The following EPHA5 variants were observed in gnomAD, a reference collection of about 807,000 sequenced individuals.
The protein encoded by EPHA5 is EPH receptor A5.
EPHA5 carries 60 observed loss-of-function variants against 105.0 expected under a neutral mutation model. That is an observed-to-expected ratio of 0.57 (90% CI 0.46 to 0.71). The LOEUF (loss-of-function observed/expected upper bound fraction) is 0.71, where lower values mean the gene tolerates loss of function less well. Among genes scored for constraint, EPHA5 ranks in the 30% least tolerant of loss-of-function variants. The pLI is 0.00. For synonymous variants in EPHA5, 513 were observed against 449.1 expected (o/e 1.14, Z -1.80); for missense variants, 1,218 against 1,274.7 (o/e 0.96, Z 0.68).
chr4:65,647,328 C>CA (rs55995799), intron 1 of EPHA5, among the ~76,000 whole-genome samples: 1,484 of 70,582 alleles, frequency 0.021, 28 homozygotes, highest in African/African-American at 0.035. Context: ...GACTCTGTCT[C>CA]AAAAAAAAAA....
chr4:65,563,827 T>G (rs1217274305), intron 3 of EPHA5, among the ~76,000 whole-genome samples: 1 of 152,038 alleles, frequency 6.6e-6, no homozygotes, highest in African/African-American at 2.4e-5. Context: ...AAGAGATTTT[T>G]ATATGCAAAG....
chr4:65,526,928 A>G (rs1371911393), intron 3 of EPHA5, among the ~76,000 whole-genome samples: 1 of 152,068 alleles, frequency 6.6e-6, no homozygotes, highest in Admixed American at 6.6e-5. Flanking sequence ...AGAAAATAAA[A>G]AAATCTAATG....
chr4:65,557,882 T>TC (rs1175108358), intron 3 of EPHA5, among the ~76,000 whole-genome samples: 9 of 151,754 alleles, frequency 5.9e-5, no homozygotes, highest in Admixed American at 4.6e-4. Flanking sequence ...AAGGTAAAAT[T>TC]CTTTTTTTTT....
At chr4:65,596,814 T>C (rs1743240400) in intron 3 of EPHA5, among the ~76,000 whole-genome samples, 1 of 152,156 alleles carries the variant, frequency 6.6e-6, no homozygotes, top group South Asian at 2.1e-4. Context: ...TATAATAACA[T>C]ACTAAATAGA....
chr4:65,602,643 G>T (rs1305832130), intron 2 of EPHA5, among the ~76,000 whole-genome samples: 3 of 151,990 alleles, frequency 2.0e-5, no homozygotes, highest in Non-Finnish European at 4.4e-5. Flanking sequence ...TTAACAAAAT[G>T]AAGCAAAGAA....
chr4:65,439,766 T>C (rs1321819042), intron 5 of EPHA5, among the ~76,000 whole-genome samples: 3 of 152,170 alleles, frequency 2.0e-5, no homozygotes, highest in East Asian at 1.9e-4. Context: ...CTGTACACAA[T>C]GTACCTGTAT....
At chr4:65,432,609 C>G (rs980048091) in intron 5 of EPHA5, among the ~76,000 whole-genome samples, 20 of 151,906 alleles carry the variant, frequency 1.3e-4, no homozygotes, top group Admixed American at 1.3e-3. Flanking sequence ...ACTCTGTCAC[C>G]CAGTCTTGAG....
chr4:65,489,196 C>T (rs1300587197), intron 5 of EPHA5, among the ~76,000 whole-genome samples: 3 of 152,154 alleles, frequency 2.0e-5, no homozygotes, highest in Non-Finnish European at 4.4e-5. Context: ...CGCGCCCAGC[C>T]AGCTGCATGC....
At chr4:65,561,568 T>C (rs1475792146) in intron 3 of EPHA5, among the ~76,000 whole-genome samples, 2 of 152,074 alleles carry the variant, frequency 1.3e-5, no homozygotes, top group East Asian at 3.9e-4. Context: ...ACTTCCTAAT[T>C]TCTTGCAAGT....
chr4:65,373,102 T>G (rs1286284015), intron 8 of EPHA5, among the ~76,000 whole-genome samples: 1 of 151,934 alleles, frequency 6.6e-6, no homozygotes, highest in Non-Finnish European at 1.5e-5. Context: ...CGTAACTTCC[T>G]ATTAATTTTT....
Position 65,351,569 on chromosome 4 carries a change from C to T in EPHA5, c.2265G>A (p.Gln755=), listed in dbSNP as rs2148855754. The T allele has an allele frequency of 6.2e-7, 1 of 1,613,566 alleles. No homozygotes were observed. Among genetic ancestry groups the T allele is most frequent in the Non-Finnish European group, 8.5e-7 (1 of 1,179,726 alleles). Residue 755 remains glutamine, a synonymous_variant, in exon 13 of 17, where the codon CAG becomes CAA. Transcript: ENST00000613740. The part of the protein sequence containing the change: ...KKNDGQFTVI[Q]LVGMLRGISA... Reference sequence around the variant, plus strand: ...AGATACCTCTCAGCATGCCAACAAGCTGAATCACAGTGAACTGCCCATCGT... The same window carrying T: ...AGATACCTCTCAGCATGCCAACAAGTTGAATCACAGTGAACTGCCCATCGT...
rs559390273 is a variant in EPHA5 at position 65,644,157 on chromosome 4, C to G, written c.182-730G>C. ...CCCAAGATATTTAGAAACTCCAGGA[C>G]GGAAGTTTGAGTACCGTCATTACAA... On this transcript the variant is annotated intron_variant, in intron 1 of 16. Coordinates refer to ENST00000613740, the MANE Select transcript of EPHA5 (RefSeq NM_001281766.3). 2.0e-5 allele frequency among the ~76,000 whole-genome samples: 3 copies of G among 151,926 alleles called. No individual in the cohort carries two copies. The South Asian group carries it at 6.2e-4, about 32-fold the overall frequency.
intron 3 of EPHA5, among the ~76,000 whole-genome samples, chr4:65,498,304 A>G (rs1221189270): frequency 1.3e-5 from 2 of 151,948 alleles, no homozygotes; most frequent in Non-Finnish European, 2.9e-5. Flanking sequence ...ACTTTATTTT[A>G]TAGGCAAAGG....
In EPHA5 at chr4:65,607,408, A is replaced by G. The variant is rs111558897; in HGVS notation, c.247-5104T>C. Among the ~76,000 whole-genome samples the G allele has an allele frequency of 4.6e-5, 7 of 152,258 alleles. 1 individual carries two copies. Among genetic ancestry groups the G allele is most frequent in the African/African-American group, 1.7e-4 (7 of 41,546 alleles). ...CAGGCAACCTACAGAATGGGAGAAA[A>G]TTTCTGAAATCTACCCATCTGACAA... On this transcript the variant is annotated intron_variant, in intron 2 of 16. Coordinates refer to ENST00000613740, the MANE Select transcript of EPHA5 (RefSeq NM_001281766.3).
chr4:65,348,687 TATATATATATAAA>T (rs1722472879), intron 13 of EPHA5, among the ~76,000 whole-genome samples: 4 of 56,280 alleles, frequency 7.1e-5, no homozygotes, highest in Non-Finnish European at 1.0e-4. Flanking sequence ...TATATATATA[TATATATATATAAA>T]ATATATATGT....
At chr4:65,385,163 T>A (rs1241330211) in intron 8 of EPHA5, among the ~76,000 whole-genome samples, 1 of 151,804 alleles carries the variant, frequency 6.6e-6, no homozygotes, top group African/African-American at 2.4e-5. Flanking sequence ...GAAAGTACTG[T>A]TTTAAATACT....
chr4:65,450,499 T>C (rs1578143589), intron 5 of EPHA5, among the ~76,000 whole-genome samples: 1 of 152,190 alleles, frequency 6.6e-6, no homozygotes, highest in East Asian at 1.9e-4. Context: ...CTGAGGGGCA[T>C]AGATCCAGAC....
At position 65,333,539 on chromosome 4, in the gene EPHA5, C is replaced by CTGTGTG. The variant is rs56925203; in HGVS notation, c.2790-1417_2790-1412dup. On this transcript the variant is annotated intron_variant, in intron 15 of 16. Coordinates refer to ENST00000613740, the MANE Select transcript of EPHA5 (RefSeq NM_001281766.3). ...TGCGTGTGCGTGTGAGAGTGTGTGT[C>CTGTGTG]TGTGTGTGTGTGTGTGTGTGTGTGT... is the stretch of plus-strand genomic sequence containing the variant. Among the ~76,000 whole-genome samples the CTGTGTG allele has an allele frequency of 9.3e-4, 104 of 111,880 alleles. 1 individual carries two copies. The highest frequency in any genetic ancestry group is 4.2e-3 in the African/African-American group (101 of 24,294). 73.4% of individuals were successfully genotyped at this position (111,880 alleles called of 152,430 possible).
chr4:65,340,774 A>G (rs986208), intron 14 of EPHA5, among the ~76,000 whole-genome samples: 71,448 of 151,952 alleles, frequency 0.47, 17,427 homozygotes, highest in East Asian at 0.77. Flanking sequence ...GAGCATGTCA[A>G]TCATAAACAT....
Sources: gnomAD v4.1 joint callset for allele counts (sites outside exome capture counted in the v4.1 genomes callset) on GRCh38, gnomAD v4.1.1 for gene constraint, MANE v1.5 for transcripts, NCBI Gene and HGNC (gene_info 2026-07-23, HGNC 2026-07-21) for gene names.